Variants in MYO1B observed in about 807,000 individuals in gnomAD.
The protein encoded by MYO1B is unconventional myosin-Ib.
A neutral mutation model predicts 159.7 loss-of-function variants in MYO1B; 72 were observed. The observed-to-expected ratio is 0.45, with a 90% CI of 0.37 to 0.55. The LOEUF (loss-of-function observed/expected upper bound fraction) is 0.55. MYO1B is among the 20% of genes least tolerant of loss of function. The pLI is 0.00. For missense variants in MYO1B, 1,062 were observed against 1,364.8 expected, an observed-to-expected ratio of 0.78 and a Z score of 3.50; for synonymous variants, 468 against 473.8, an observed-to-expected ratio of 0.99 and a Z score of 0.16.
At chr2:191,347,245 G>A (rs1692626836) in intron 6 of MYO1B, among the ~76,000 whole-genome samples, 1 of 152,154 alleles carries the variant, frequency 6.6e-6, no homozygotes, top group Non-Finnish European at 1.5e-5. Flanking sequence ...AGATAGTTTT[G>A]ATAGTTTAGA....
At position 191,296,035 on chromosome 2, in the gene MYO1B, A is replaced by G. The variant is rs934136292; in HGVS notation, c.136-76A>G. On this transcript the variant is annotated intron_variant, in intron 2 of 30. Coordinates refer to ENST00000392318, the MANE Select transcript of MYO1B (RefSeq NM_001130158.3). ...GTTGATTTTAAAAGGTTGAAACCAT[A>G]CAACACTAAAGCTTAAGACGTTAAA... 1.7e-5 allele frequency: 13 copies of G among 744,798 alleles called. No homozygotes were observed. The Admixed American group carries it at 2.0e-4, about 11-fold the overall frequency. 46.1% of individuals were successfully genotyped at this position (744,798 alleles called of 1,614,324 possible).
intron 3 of MYO1B, among the ~76,000 whole-genome samples, chr2:191,326,096 C>T (rs376454062): frequency 6.6e-6 from 1 of 152,158 alleles, no homozygotes; most frequent in African/African-American, 2.4e-5. Flanking sequence ...CTTACGCTAT[C>T]GTCATTATAT....
At chr2:191,251,730 G>C (rs1283287413) in intron 1 of MYO1B, among the ~76,000 whole-genome samples, 1 of 152,180 alleles carries the variant, frequency 6.6e-6, no homozygotes, top group Non-Finnish European at 1.5e-5. Flanking sequence ...TGAATTGAAA[G>C]GACAGTGGAA....
intron 2 of MYO1B, among the ~76,000 whole-genome samples, chr2:191,291,266 A>G (rs1574351857): frequency 6.6e-6 from 1 of 152,340 alleles, no homozygotes; most frequent in African/African-American, 2.4e-5. Flanking sequence ...TTGATTATTT[A>G]CAAGACATCT....
intron 7 of MYO1B, among the ~76,000 whole-genome samples, chr2:191,357,576 A>G (rs1693383670): frequency 6.6e-6 from 1 of 152,228 alleles, no homozygotes; most frequent in Admixed American, 6.5e-5. Context: ...TGTACTAAAT[A>G]TCCAGTGTCT....
intron 27 of MYO1B, among the ~76,000 whole-genome samples, chr2:191,413,671 A>C: frequency 6.6e-6 from 1 of 152,182 alleles, no homozygotes; most frequent in Non-Finnish European, 1.5e-5. Flanking sequence ...GCGTTAGTAA[A>C]TCCTTTGTGA....
At chr2:191,251,827 T>C (rs1393017104) in intron 1 of MYO1B, among the ~76,000 whole-genome samples, 2 of 152,138 alleles carry the variant, frequency 1.3e-5, no homozygotes, top group Non-Finnish European at 2.9e-5. Context: ...ATTTTCACAT[T>C]GCAACCACAA....
intron 3 of MYO1B, among the ~76,000 whole-genome samples, chr2:191,298,794 G>A (rs2125821662): frequency 6.6e-6 from 1 of 152,222 alleles, no homozygotes; most frequent in Non-Finnish European, 1.5e-5. Context: ...TATTACAAAT[G>A]GGGAAATTGT....
rs201784854 is a variant in MYO1B at position 191,338,182 on chromosome 2, A to AT, written c.347-3268dup. On this transcript the variant is annotated intron_variant, in intron 4 of 30. Coordinates refer to ENST00000392318, the MANE Select transcript of MYO1B (RefSeq NM_001130158.3). Reference sequence around the variant, plus strand: ...AGAGTTGTCTCTTTTAAATAGTGTGATTTTTTTTTTTGGAGAAAATACTAA... The same window carrying AT: ...AGAGTTGTCTCTTTTAAATAGTGTGATTTTTTTTTTTTGGAGAAAATACTAA... Among the ~76,000 whole-genome samples, 1,160 of 150,084 alleles carry AT rather than the reference A, an allele frequency of 7.7e-3. 9 individuals carry two copies. Among genetic ancestry groups the AT allele is most frequent in the African/African-American group, 0.023 (951 of 40,792 alleles).
At chr2:191,397,855 C>T (rs1280288833) in intron 21 of MYO1B, among the ~76,000 whole-genome samples, 16 of 141,182 alleles carry the variant, frequency 1.1e-4, no homozygotes, top group African/African-American at 4.3e-4. Flanking sequence ...GACGGGGCGG[C>T]TGGCCAGGCA....
At chr2:191,370,454 T>C (rs1243446051) in intron 13 of MYO1B, among the ~76,000 whole-genome samples, 162 bp downstream of exon 13, 5 of 152,164 alleles carry the variant, frequency 3.3e-5, no homozygotes, top group Non-Finnish European at 5.9e-5. Context: ...AACAAATCTT[T>C]GTGTAGATGT....
intron 1 of MYO1B, chr2:191,263,441 A>G: frequency 3.2e-5 from 18 of 562,454 alleles, no homozygotes; most frequent in Non-Finnish European, 4.1e-5. Context: ...TGTCATTTAA[A>G]AAGAACTCTA....
intron 20 of MYO1B, 45 bp downstream of exon 20, chr2:191,393,267 T>G (rs6717086): frequency 1.2e-6 from 2 of 1,600,792 alleles, no homozygotes; most frequent in Non-Finnish European, 1.7e-6. Context: ...AATGCTAATT[T>G]GCCAACATTT....
chr2:191,330,053 T>G, intron 4 of MYO1B, 24 bp downstream of exon 4: 8 of 1,596,954 alleles, frequency 5.0e-6, no homozygotes, highest in Non-Finnish European at 6.0e-6. Context: ...CAAGCAACTC[T>G]GCAGAAGGTA....
chr2:191,288,418 A>G (rs1331485695), intron 2 of MYO1B, among the ~76,000 whole-genome samples: 2 of 152,098 alleles, frequency 1.3e-5, no homozygotes, highest in East Asian at 1.9e-4. Context: ...TGCAGTTCAT[A>G]GTGACCTTTC....
At chr2:191,290,887 G>GC (rs1688650509) in intron 2 of MYO1B, among the ~76,000 whole-genome samples, 1 of 152,162 alleles carries the variant, frequency 6.6e-6, no homozygotes, top group South Asian at 2.1e-4. Context: ...TAGAAGATAA[G>GC]CCAACAGCAG....
At chr2:191,253,250 C>A (rs1279306152) in intron 1 of MYO1B, among the ~76,000 whole-genome samples, 4 of 152,112 alleles carry the variant, frequency 2.6e-5, no homozygotes, top group Non-Finnish European at 4.4e-5. Context: ...TCACTTGTCC[C>A]AACTTATGTC....
At chr2:191,388,640 G>A (rs1280041223) in intron 17 of MYO1B, among the ~76,000 whole-genome samples, 3 of 151,514 alleles carry the variant, frequency 2.0e-5, no homozygotes, top group Non-Finnish European at 2.9e-5. Flanking sequence ...GAGGATCCTA[G>A]TTTAAAAAAA....
intron 1 of MYO1B, among the ~76,000 whole-genome samples, chr2:191,268,425 T>C (rs1473089833): frequency 1.3e-5 from 2 of 152,144 alleles, no homozygotes; most frequent in Non-Finnish European, 2.9e-5. Context: ...CCTCCAAATA[T>C]CATCATACTG....
Sources: allele counts gnomAD v4.1 joint callset (sites outside exome capture counted in the v4.1 genomes callset), GRCh38; gene constraint gnomAD v4.1.1; transcripts MANE v1.5; gene names NCBI Gene and HGNC (gene_info 2026-07-23, HGNC 2026-07-21).